The following PREX2 variants were observed in gnomAD, a reference collection of about 807,000 sequenced individuals.
PREX2 encodes the protein phosphatidylinositol 3,4,5-trisphosphate-dependent Rac exchanger 2 protein.
A neutral mutation model predicts 203.2 loss-of-function variants in PREX2; 107 were observed. The ratio of observed to expected loss-of-function variants is 0.53; its 90% CI spans 0.45 to 0.62. The LOEUF (loss-of-function observed/expected upper bound fraction) is 0.62. Among genes scored for constraint, PREX2 ranks in the 20% least tolerant of loss-of-function variants. The pLI, the probability that PREX2 is intolerant of heterozygous loss-of-function variation, is 0.00. For missense variants in PREX2, 1,777 were observed against 1,955.9 expected, an observed-to-expected ratio of 0.91 and a Z score of 1.72; for synonymous variants, 672 against 663.6, an observed-to-expected ratio of 1.01 and a Z score of -0.19.
chr8:68,099,869 C>T, intron 23 of PREX2, 26 bp downstream of exon 23: 1 of 1,529,786 alleles, frequency 6.5e-7, no homozygotes, highest in Non-Finnish European at 9.1e-7. Flanking sequence ...ATTTTATACA[C>T]AATTATTGTT....
chr8:68,147,872 A>G (rs1225610239), intron 34 of PREX2, among the ~76,000 whole-genome samples: 3 of 125,142 alleles, frequency 2.4e-5, no homozygotes, highest in African/African-American at 1.1e-4. Flanking sequence ...TCCAGATTCT[A>G]TAATGAAAAG....
At chr8:68,011,478 A>G (rs948289902) in intron 1 of PREX2, among the ~76,000 whole-genome samples, 10 of 152,142 alleles carry the variant, frequency 6.6e-5, no homozygotes, top group Non-Finnish European at 1.2e-4. Flanking sequence ...ATTAACATTC[A>G]GCTTTGGTGT....
At chr8:68,124,938 T>C (rs1810859219) in intron 30 of PREX2, among the ~76,000 whole-genome samples, 1 of 151,890 alleles carries the variant, frequency 6.6e-6, no homozygotes, top group Non-Finnish European at 1.5e-5. Flanking sequence ...TAGAATTTAG[T>C]TGCATCTCTG....
intron 28 of PREX2, among the ~76,000 whole-genome samples, chr8:68,119,801 A>C (rs962493657): frequency 4.6e-5 from 7 of 152,122 alleles, no homozygotes; most frequent in African/African-American, 1.7e-4. Flanking sequence ...TGTTTTCAGA[A>C]AGCTTTATGA....
intron 35 of PREX2, among the ~76,000 whole-genome samples, chr8:68,165,856 A>C (rs1811750432): frequency 1.3e-5 from 2 of 152,302 alleles, no homozygotes; most frequent in South Asian, 2.1e-4. Context: ...ATTTACAAGA[A>C]GATGTCCATA....
At chr8:68,007,633 G>A (rs774323055) in intron 1 of PREX2, among the ~76,000 whole-genome samples, 5 of 152,150 alleles carry the variant, frequency 3.3e-5, no homozygotes, top group African/African-American at 4.8e-5. Context: ...TTTTTGAGAC[G>A]GAGTCTCGCT....
intron 4 of PREX2, among the ~76,000 whole-genome samples, chr8:68,025,171 A>G (rs1807681180): frequency 6.6e-6 from 1 of 151,742 alleles, no homozygotes; most frequent in Admixed American, 6.6e-5. Flanking sequence ...AGTCAGTTCT[A>G]CTAGCAATAA....
chr8:68,100,823 G>A (rs1269506110), intron 23 of PREX2, among the ~76,000 whole-genome samples: 2 of 152,172 alleles, frequency 1.3e-5, no homozygotes, highest in Non-Finnish European at 2.9e-5. Context: ...GAAAGATCAT[G>A]CTTTTGTAGG....
rs1281305194 is a variant in PREX2, at chr8:68,109,544, C to G, written c.3067C>G (p.Gln1023Glu). 7 of 1,613,864 alleles carry G rather than the reference C, an allele frequency of 4.3e-6. No individual in the cohort carries two copies. Among genetic ancestry groups the G allele is most frequent in the Non-Finnish European group, 5.9e-6 (7 of 1,179,934 alleles). Residue 1023 changes from glutamine (Q) to glutamate (E), a missense_variant, in exon 25 of 40, where the codon CAA becomes GAA. By Grantham distance (29) the Gln-to-Glu change is conservative (BLOSUM62 2). Coordinates refer to ENST00000288368, the MANE Select transcript of PREX2 (RefSeq NM_024870.4). ...GCTAAAAGAAGAAGACTTAGAAACC[C>G]AAGACATCTATCAGAAACTGCTGGG... ...YLLKEEDLET[Q>E]DIYQKLLGKL...
chr8:68,123,639 C>A (rs1204080972), intron 30 of PREX2, among the ~76,000 whole-genome samples: 1 of 151,890 alleles, frequency 6.6e-6, no homozygotes, highest in African/African-American at 2.4e-5. Flanking sequence ...CACCTCTATG[C>A]ACATAAACTA....
chr8:68,126,028 G>A (rs950252673), intron 30 of PREX2, among the ~76,000 whole-genome samples: 1 of 152,010 alleles, frequency 6.6e-6, no homozygotes, highest in Non-Finnish European at 1.5e-5. Flanking sequence ...ACATTGATCT[G>A]TTAGAAGCCA....
intron 11 of PREX2, among the ~76,000 whole-genome samples, chr8:68,062,447 C>G (rs1279187540): frequency 1.3e-5 from 2 of 152,152 alleles, no homozygotes; most frequent in Non-Finnish European, 2.9e-5. Context: ...AGATAAGGCC[C>G]CTGACTTCCT....
chr8:68,096,142 G>A (rs1368685376), intron 21 of PREX2, among the ~76,000 whole-genome samples: 1 of 152,084 alleles, frequency 6.6e-6, no homozygotes, highest in Non-Finnish European at 1.5e-5. Flanking sequence ...ACAAATCTCA[G>A]GACCTTATTC....
chr8:68,027,168 T>C, intron 4 of PREX2, 54 bp from the exon 5 acceptor site: 1 of 1,322,450 alleles, frequency 7.6e-7, no homozygotes, highest in Non-Finnish European at 1.1e-6. Flanking sequence ...GGAAGAAAGT[T>C]TCACAGCGTG....
intron 1 of PREX2, among the ~76,000 whole-genome samples, chr8:67,987,239 T>A (rs919762179): frequency 2.6e-5 from 4 of 151,844 alleles, no homozygotes; most frequent in African/African-American, 9.7e-5. Context: ...ATTGTTTTCA[T>A]TTTTTTGGAG....
intron 35 of PREX2, chr8:68,176,756 C>T (rs956576074): frequency 6.6e-6 from 1 of 152,054 alleles, no homozygotes; most frequent in Non-Finnish European, 1.5e-5. Context: ...ATTCAGAGAA[C>T]AAAATTAACA....
Position 68,069,141 on chromosome 8 carries a change from C to A in PREX2, c.1443+5C>A. The A allele has an allele frequency of 7.1e-7, 1 of 1,407,518 alleles. No individual in the cohort carries two copies. 87.2% of individuals were successfully genotyped at this position (1,407,518 alleles called of 1,614,324 possible). A position where few individuals can be genotyped will look rare whatever the true frequency, so the allele number is the denominator to read the frequency against. On this transcript the variant is annotated splice_donor_5th_base_variant and intron_variant, in intron 12 of 39. Coordinates refer to ENST00000288368, the MANE Select transcript of PREX2 (RefSeq NM_024870.4). ...ATGCAGGACGTGATTTCAAAGGTAA[C>A]GACCTCTCCCACAACCTCTCCAATA...
chr8:68,058,710 T>C (rs546850557), intron 10 of PREX2, among the ~76,000 whole-genome samples: 1 of 152,266 alleles, frequency 6.6e-6, no homozygotes, highest in East Asian at 1.9e-4. Flanking sequence ...GCTGGGATTA[T>C]AGGCATGAGC....
intron 5 of PREX2, among the ~76,000 whole-genome samples, chr8:68,029,105 G>A (rs3812452): frequency 0.18 from 27,770 of 151,942 alleles, 3,391 homozygotes; most frequent in African/African-American, 0.34. Context: ...GGGTGGTTTT[G>A]TTTATTCAGA....
Sources: allele counts gnomAD v4.1 joint callset (sites outside exome capture counted in the v4.1 genomes callset), GRCh38; gene constraint gnomAD v4.1.1; transcripts MANE v1.5; gene names NCBI Gene and HGNC (gene_info 2026-07-23, HGNC 2026-07-21).